ZCCHC14: variants seen among roughly 807,000 people sequenced by gnomAD.
The protein encoded by ZCCHC14 is zinc finger CCHC-type containing 14.
In ZCCHC14, 16 loss-of-function variants were observed where a neutral mutation model predicts 85.0. That is an observed-to-expected ratio of 0.19 (90% CI 0.13 to 0.29). The LOEUF is 0.29. Ranked by LOEUF, ZCCHC14 falls within the 10% of genes least tolerant of loss-of-function variation. The pLI, the probability that ZCCHC14 is intolerant of heterozygous loss-of-function variation, is 1.00. For missense variants in ZCCHC14, 1,303 were observed against 1,443.5 expected (o/e 0.90, Z 1.58); for synonymous variants, 775 against 630.7 (o/e 1.23, Z -3.43).
chr16:87,485,636 C>A (rs1022190565), intron 1 of ZCCHC14, among the ~76,000 whole-genome samples: 2 of 150,258 alleles, frequency 1.3e-5, no homozygotes, highest in Non-Finnish European at 3.0e-5. Flanking sequence ...AAAATCTAAT[C>A]CCTCTAAGGT....
At chr16:87,467,046 T>G (rs200083417) in intron 1 of ZCCHC14, 13 of 20,932 alleles carry the variant, frequency 6.2e-4, no homozygotes, top group Non-Finnish European at 3.9e-3. Context: ...AAAAAAATTG[T>G]TTTTTTTTTT....
chr16:87,473,058 A>T (rs1340134274), intron 1 of ZCCHC14: 3 of 152,190 alleles, frequency 2.0e-5, no homozygotes, highest in Non-Finnish European at 2.9e-5. Flanking sequence ...GTAATGTTAG[A>T]AACAGTGAGC....
chr16:87,448,908 A>G (rs1910562483), intron 2 of ZCCHC14, among the ~76,000 whole-genome samples: 1 of 152,058 alleles, frequency 6.6e-6, no homozygotes, highest in Non-Finnish European at 1.5e-5. Context: ...AGACTTTCCT[A>G]TCCTTGAATT....
chr16:87,488,701 C>A (rs1406363439), intron 1 of ZCCHC14, among the ~76,000 whole-genome samples: 3 of 152,196 alleles, frequency 2.0e-5, no homozygotes, highest in African/African-American at 4.8e-5. Flanking sequence ...CCTCGGCCTC[C>A]CAAGTAGCAG....
At chr16:87,446,508 A>G (rs993928003) in intron 2 of ZCCHC14, among the ~76,000 whole-genome samples, 1 of 151,798 alleles carries the variant, frequency 6.6e-6, no homozygotes, top group Non-Finnish European at 1.5e-5. Context: ...ATTATGAGAC[A>G]GAGACTACAC....
At chr16:87,487,474 G>C (rs1912560245) in intron 1 of ZCCHC14, among the ~76,000 whole-genome samples, 1 of 152,166 alleles carries the variant, frequency 6.6e-6, no homozygotes, top group South Asian at 2.1e-4. Flanking sequence ...CGGAGGCTCT[G>C]TACTGACAGC....
chr16:87,455,454 T>C (rs983441347), intron 2 of ZCCHC14, among the ~76,000 whole-genome samples: 1 of 152,156 alleles, frequency 6.6e-6, no homozygotes, highest in Non-Finnish European at 1.5e-5. Flanking sequence ...GGTAAAGATG[T>C]GTAGTGCATT....
At chr16:87,426,495 C>T (rs1263273255) in intron 3 of ZCCHC14, among the ~76,000 whole-genome samples, 2 of 152,216 alleles carry the variant, frequency 1.3e-5, no homozygotes, top group African/African-American at 4.8e-5. Context: ...GCACACAGCC[C>T]GTGCATGCTC....
chr16:87,465,062 C>T (rs1911456004), intron 1 of ZCCHC14, among the ~76,000 whole-genome samples: 1 of 152,246 alleles, frequency 6.6e-6, no homozygotes, highest in Admixed American at 6.5e-5. Context: ...TCCCCCAGCT[C>T]TTCACTCCAT....
At chr16:87,450,192 T>C (rs1910629914) in intron 2 of ZCCHC14, among the ~76,000 whole-genome samples, 1 of 152,232 alleles carries the variant, frequency 6.6e-6, no homozygotes, top group African/African-American at 2.4e-5. Context: ...TAAAATGTTA[T>C]TACCAAAAGC....
intron 2 of ZCCHC14, among the ~76,000 whole-genome samples, chr16:87,454,118 G>A (rs912748593): frequency 6.6e-6 from 1 of 152,192 alleles, no homozygotes; most frequent in African/African-American, 2.4e-5. Flanking sequence ...CTGAGGGAGA[G>A]AGAGAGAAGA....
chr16:87,479,470 G>A (rs992377543), intron 1 of ZCCHC14, among the ~76,000 whole-genome samples: 4 of 150,768 alleles, frequency 2.7e-5, no homozygotes, highest in Admixed American at 6.6e-5. Context: ...TAATTCTATT[G>A]ATGCTTTTAT....
intron 2 of ZCCHC14, among the ~76,000 whole-genome samples, chr16:87,455,103 A>G (rs924684529): frequency 6.6e-6 from 1 of 152,222 alleles, no homozygotes; most frequent in Non-Finnish European, 1.5e-5. Context: ...AGCCTGACCA[A>G]CATGGAGAAA....
intron 2 of ZCCHC14, among the ~76,000 whole-genome samples, chr16:87,434,276 G>C (rs1044377327): frequency 3.9e-5 from 6 of 152,244 alleles, no homozygotes; most frequent in African/African-American, 9.6e-5. Context: ...ACATGCTGTA[G>C]TTTCTGACTC....
intron 2 of ZCCHC14, among the ~76,000 whole-genome samples, chr16:87,440,690 T>A (rs796853393): frequency 1.3e-5 from 2 of 152,188 alleles, no homozygotes; most frequent in East Asian, 1.9e-4. Context: ...CACTGCAGCC[T>A]CGACCTCCTG....
chr16:87,429,854 G>A (rs901652075), intron 3 of ZCCHC14, among the ~76,000 whole-genome samples: 3 of 152,162 alleles, frequency 2.0e-5, no homozygotes, highest in Admixed American at 1.3e-4. Context: ...TGATCCGTCC[G>A]CCTTGGGCTC....
At chr16:87,465,267 G>A (rs892399525) in intron 1 of ZCCHC14, among the ~76,000 whole-genome samples, 1 of 152,224 alleles carries the variant, frequency 6.6e-6, no homozygotes, top group African/African-American at 2.4e-5. Context: ...TTCGAACTGG[G>A]CCTGGCATGA....
chr16:87,411,375 G>A (rs1449662079), intron 12 of ZCCHC14, 141 bp downstream of exon 12: 1 of 1,510,854 alleles, frequency 6.6e-7, no homozygotes, highest in East Asian at 2.3e-5. Flanking sequence ...GGCCTATCAT[G>A]AAGATTTCCA....
At chr16:87,464,877 A>AG (rs1165172816) in intron 1 of ZCCHC14, among the ~76,000 whole-genome samples, 2 of 152,208 alleles carry the variant, frequency 1.3e-5, no homozygotes, top group African/African-American at 4.8e-5. Flanking sequence ...GCTCACCCGC[A>AG]GGACTCGTCA....
Sources: allele counts gnomAD v4.1 joint callset (sites outside exome capture counted in the v4.1 genomes callset), GRCh38; gene constraint gnomAD v4.1.1; transcripts MANE v1.5; gene names NCBI Gene and HGNC (gene_info 2026-07-23, HGNC 2026-07-21).